The following SGPP2 variants were observed in gnomAD, a reference collection of about 807,000 sequenced individuals.
SGPP2 encodes sphingosine-1-phosphate phosphatase 2.
SGPP2 carries 30 observed loss-of-function variants against 33.9 expected under a neutral mutation model. The ratio of observed to expected loss-of-function variants is 0.89; its 90% CI spans 0.66 to 1.20. The LOEUF is 1.20. Among genes scored for constraint, SGPP2 ranks in the 50% most tolerant of loss-of-function variants. SGPP2 has a pLI of 0.00. For synonymous variants in SGPP2, 233 were observed against 225.0 expected (o/e 1.04, Z -0.32); for missense variants, 458 against 532.1 (o/e 0.86, Z 1.37).
chr2:222,503,902 A>G (rs1447643311), intron 2 of SGPP2: 1 of 152,158 alleles, frequency 6.6e-6, no homozygotes, highest in Admixed American at 6.5e-5. Flanking sequence ...AGACCATAAG[A>G]TAGATCCCCC....
chr2:222,453,259 G>T, intron 1 of SGPP2: 1 of 759,208 alleles, frequency 1.3e-6, no homozygotes, highest in Non-Finnish European at 2.4e-6. Flanking sequence ...ATGCTTTGAA[G>T]CCAGGCAGGT....
intron 2 of SGPP2, among the ~76,000 whole-genome samples, chr2:222,479,488 C>T (rs1697997063): frequency 6.6e-6 from 1 of 150,648 alleles, no homozygotes; most frequent in Non-Finnish European, 1.5e-5. Flanking sequence ...CTGCAAGCCC[C>T]ACCTCCCGGG....
At chr2:222,541,595 T>TTTAC (rs1468103870) in intron 4 of SGPP2, among the ~76,000 whole-genome samples, 33 of 9,322 alleles carry the variant, frequency 3.5e-3, no homozygotes, top group African/African-American at 0.015. Context: ...AGAAAACTAT[T>TTTAC]TTATTTATTT....
intron 1 of SGPP2, among the ~76,000 whole-genome samples, chr2:222,444,238 C>T (rs1697367149): frequency 6.6e-6 from 1 of 152,176 alleles, no homozygotes; most frequent in Non-Finnish European, 1.5e-5. Flanking sequence ...CTAGTTTGAG[C>T]TAATCATGTG....
At chr2:222,556,469 C>A (rs1191361203) in intron 4 of SGPP2, among the ~76,000 whole-genome samples, 1 of 142,334 alleles carries the variant, frequency 7.0e-6, no homozygotes, top group Non-Finnish European at 1.5e-5. Context: ...CACTCCCCCG[C>A]ATCCACTCTC....
intron 1 of SGPP2, among the ~76,000 whole-genome samples, chr2:222,428,463 G>A (rs144155431): frequency 4.1e-4 from 62 of 152,284 alleles, no homozygotes; most frequent in African/African-American, 1.5e-3. Flanking sequence ...ATTAGACTAA[G>A]GATCATCTTT....
At chr2:222,497,330 G>T (rs1698297624) in intron 2 of SGPP2, among the ~76,000 whole-genome samples, 2 of 141,654 alleles carry the variant, frequency 1.4e-5, no homozygotes, top group Admixed American at 1.6e-4. Flanking sequence ...TCGGCTCACT[G>T]CAACCTCCGC....
chr2:222,535,804 G>T (rs1262070308), intron 4 of SGPP2, among the ~76,000 whole-genome samples: 1 of 152,192 alleles, frequency 6.6e-6, no homozygotes, highest in Middle Eastern at 3.2e-3. Flanking sequence ...GAGGCTAGTG[G>T]CCAGGCAGCC....
chr2:222,498,020 G>GTAGAAATGACT (rs1391763707), intron 2 of SGPP2, among the ~76,000 whole-genome samples: 2 of 152,228 alleles, frequency 1.3e-5, no homozygotes, highest in South Asian at 2.1e-4. Flanking sequence ...CCCAGCAGTG[G>GTAGAAATGACT]TAGAAATGAC....
At chr2:222,517,939 A>G (rs576101312) in intron 2 of SGPP2, among the ~76,000 whole-genome samples, 38 of 152,342 alleles carry the variant, frequency 2.5e-4, no homozygotes, top group Non-Finnish European at 3.5e-4. Flanking sequence ...ACACATACTC[A>G]TAGAATTCTG....
chr2:222,544,643 A>C (rs1689146892), intron 4 of SGPP2, among the ~76,000 whole-genome samples: 1 of 152,214 alleles, frequency 6.6e-6, no homozygotes, highest in East Asian at 1.9e-4. Context: ...AAGTCTGTAC[A>C]TGTTCAGTGC....
At chr2:222,449,209 C>T (rs1388359198) in intron 1 of SGPP2, among the ~76,000 whole-genome samples, 3 of 152,156 alleles carry the variant, frequency 2.0e-5, no homozygotes, top group Non-Finnish European at 4.4e-5. Context: ...TTCTCTAAGA[C>T]ATTGAGGGTG....
At chr2:222,436,481 T>C (rs915076117) in intron 1 of SGPP2, among the ~76,000 whole-genome samples, 1 of 152,222 alleles carries the variant, frequency 6.6e-6, no homozygotes, top group African/African-American at 2.4e-5. Flanking sequence ...TGTCACCTAG[T>C]TGGCATTGTA....
chr2:222,537,029 A>T (rs1041459060), intron 4 of SGPP2, among the ~76,000 whole-genome samples: 20 of 152,226 alleles, frequency 1.3e-4, no homozygotes, highest in African/African-American at 4.8e-4. Flanking sequence ...GAAAAGAAGA[A>T]TCCGAAGTAT....
chr2:222,425,934 T>G (rs965634666), intron 1 of SGPP2, among the ~76,000 whole-genome samples: 1 of 152,104 alleles, frequency 6.6e-6, no homozygotes, highest in African/African-American at 2.4e-5. Flanking sequence ...AGAGAAATCC[T>G]CCTCTGTATT....
intron 2 of SGPP2, among the ~76,000 whole-genome samples, chr2:222,485,349 C>T (rs775908343): frequency 1.3e-5 from 2 of 152,202 alleles, no homozygotes; most frequent in Non-Finnish European, 2.9e-5. Flanking sequence ...TGCCTTGGTA[C>T]TGGTGCGTCC....
chr2:222,506,401 T>C (rs1310068078), intron 2 of SGPP2, among the ~76,000 whole-genome samples: 1 of 152,216 alleles, frequency 6.6e-6, no homozygotes, highest in Non-Finnish European at 1.5e-5. Flanking sequence ...TTACTTGATA[T>C]GTACCGTAGG....
intron 1 of SGPP2, among the ~76,000 whole-genome samples, chr2:222,435,040 G>GTATATATACACATATATATATGTGTA (rs1697218044): frequency 6.9e-6 from 1 of 144,664 alleles, no homozygotes; most frequent in African/African-American, 2.6e-5. Flanking sequence ...ATATATATGT[G>GTATATATACACATATATATATGTGTA]TATATATATA....
intron 4 of SGPP2, among the ~76,000 whole-genome samples, chr2:222,529,867 A>G (rs546283410): frequency 7.9e-5 from 12 of 152,352 alleles, no homozygotes; most frequent in African/African-American, 2.2e-4. Context: ...ATCACTATCT[A>G]TGGTAGCTAT....
Sources: allele counts gnomAD v4.1 joint callset (sites outside exome capture counted in the v4.1 genomes callset), GRCh38; gene constraint gnomAD v4.1.1; transcripts MANE v1.5; gene names NCBI Gene and HGNC (gene_info 2026-07-23, HGNC 2026-07-21).